Variants in SUGCT observed in about 807,000 individuals in gnomAD.
SUGCT encodes succinyl-CoA:glutarate-CoA transferase, also known as succinyl-CoA:glutarate CoA-transferase.
SUGCT carries 41 observed loss-of-function variants against 55.0 expected under a neutral mutation model. That is an observed-to-expected ratio of 0.74 (90% CI 0.58 to 0.97). The LOEUF (loss-of-function observed/expected upper bound fraction) is 0.97, where lower values mean the gene tolerates loss of function less well. Ranked by LOEUF, SUGCT falls within the 50% of genes least tolerant of loss-of-function variation. The pLI is 0.00. For synonymous variants in SUGCT, 187 were observed against 200.4 expected (o/e 0.93, Z 0.56); for missense variants, 568 against 547.8 (o/e 1.04, Z -0.37).
chr7:40,557,168 A>G (rs1795597931), intron 12 of SUGCT, among the ~76,000 whole-genome samples: 1 of 152,186 alleles, frequency 6.6e-6, no homozygotes, highest in South Asian at 2.1e-4. Flanking sequence ...TAGAATTGAG[A>G]GCCTGGAAAT....
intron 8 of SUGCT, among the ~76,000 whole-genome samples, chr7:40,295,367 G>A (rs1214770011): frequency 6.6e-6 from 1 of 152,176 alleles, no homozygotes; most frequent in Non-Finnish European, 1.5e-5. Flanking sequence ...CCTGAGGTCA[G>A]GAGTTCGAGA....
intron 12 of SUGCT, among the ~76,000 whole-genome samples, chr7:40,734,688 T>C (rs866989680): frequency 6.6e-6 from 1 of 152,312 alleles, no homozygotes; most frequent in Middle Eastern, 3.4e-3. Flanking sequence ...ATTGACTATT[T>C]TTCCTCCTTA....
the SUGCT span, among the ~76,000 whole-genome samples, chr7:41,013,957 A>C: frequency 6.6e-6 from 1 of 152,168 alleles, no homozygotes; most frequent in South Asian, 2.1e-4. Context: ...AATTGGACTG[A>C]ACCCACAAAC....
At chr7:40,192,464 G>C (rs1272950645) in intron 5 of SUGCT, among the ~76,000 whole-genome samples, 2 of 152,120 alleles carry the variant, frequency 1.3e-5, no homozygotes, top group African/African-American at 4.8e-5. Context: ...ATGTGTTATG[G>C]TCAGCAGAGC....
At chr7:40,164,488 T>C (rs187165904) in intron 1 of SUGCT, among the ~76,000 whole-genome samples, 3 of 152,294 alleles carry the variant, frequency 2.0e-5, no homozygotes, top group African/African-American at 7.2e-5. Context: ...GATTTTTTTT[T>C]CTGTTTTTGT....
chr7:40,196,691 G>A (rs1786310546), intron 6 of SUGCT, among the ~76,000 whole-genome samples: 2 of 152,090 alleles, frequency 1.3e-5, no homozygotes, highest in Non-Finnish European at 2.9e-5. Context: ...ACCACACCCG[G>A]GTAATTTTTT....
the SUGCT span, among the ~76,000 whole-genome samples, chr7:40,893,210 T>G: frequency 1.3e-5 from 2 of 152,038 alleles, no homozygotes; most frequent in Non-Finnish European, 1.5e-5. Flanking sequence ...AAATAGACAT[T>G]TATACAATAA....
chr7:40,385,851 T>A (rs918797557), intron 9 of SUGCT, among the ~76,000 whole-genome samples: 2 of 152,212 alleles, frequency 1.3e-5, no homozygotes, highest in Non-Finnish European at 2.9e-5. Flanking sequence ...AAACCAATAA[T>A]TTGTGTCACT....
At chr7:40,836,705 G>A (rs951235826) in intron 13 of SUGCT, among the ~76,000 whole-genome samples, 14 of 152,058 alleles carry the variant, frequency 9.2e-5, no homozygotes, top group African/African-American at 3.1e-4. Flanking sequence ...GATTTATACT[G>A]CACGTAACTT....
chr7:40,750,508 G>A (rs1282325701), intron 13 of SUGCT, among the ~76,000 whole-genome samples: 3 of 152,128 alleles, frequency 2.0e-5, no homozygotes, highest in Non-Finnish European at 2.9e-5. Flanking sequence ...GTGGCATAGA[G>A]TATTTACTTC....
chr7:40,256,279 C>T (rs1213928506), intron 7 of SUGCT, among the ~76,000 whole-genome samples: 1 of 152,116 alleles, frequency 6.6e-6, no homozygotes, highest in Non-Finnish European at 1.5e-5. Context: ...GAAATTTCAG[C>T]CTGTTCCTTG....
intron 9 of SUGCT, among the ~76,000 whole-genome samples, chr7:40,372,070 G>C (rs779512775): frequency 1.4e-4 from 21 of 151,722 alleles, no homozygotes; most frequent in African/African-American, 2.7e-4. Flanking sequence ...AGGGTTGTCT[G>C]TGTGTTTTTG....
At chr7:40,649,403 G>T (rs1008407042) in intron 12 of SUGCT, among the ~76,000 whole-genome samples, 9 of 151,926 alleles carry the variant, frequency 5.9e-5, no homozygotes, top group South Asian at 2.1e-4. Context: ...TTTACAGATG[G>T]GGGGGGAAGG....
intron 13 of SUGCT, among the ~76,000 whole-genome samples, chr7:40,859,827 G>T (rs1199396840): frequency 2.6e-5 from 4 of 152,324 alleles, no homozygotes; most frequent in African/African-American, 9.6e-5. Context: ...TTGAACCAGG[G>T]TCTAGCTGAG....
chr7:40,411,341 C>T (rs529055466), intron 9 of SUGCT, among the ~76,000 whole-genome samples: 9 of 152,134 alleles, frequency 5.9e-5, no homozygotes, highest in East Asian at 1.9e-4. Context: ...TGCAGTGAGC[C>T]GAGATCGTGC....
At chr7:40,490,872 G>T (rs1056316475) in intron 11 of SUGCT, among the ~76,000 whole-genome samples, 2 of 152,108 alleles carry the variant, frequency 1.3e-5, no homozygotes, top group Admixed American at 6.5e-5. Flanking sequence ...AAGACATACA[G>T]AATTTAGGGA....
At chr7:40,140,535 G>A (rs980508938) in intron 1 of SUGCT, among the ~76,000 whole-genome samples, 4 of 152,134 alleles carry the variant, frequency 2.6e-5, no homozygotes, top group Admixed American at 2.0e-4. Context: ...TGAGTAGCTA[G>A]GATTACAGGC....
At chr7:40,838,308 G>T (rs965559358) in intron 13 of SUGCT, among the ~76,000 whole-genome samples, 1 of 152,054 alleles carries the variant, frequency 6.6e-6, no homozygotes, top group Non-Finnish European at 1.5e-5. Flanking sequence ...GTTCTTTCAG[G>T]GATTTTGATA....
chr7:40,665,210 G>A (rs1325766719), intron 12 of SUGCT, among the ~76,000 whole-genome samples: 10 of 151,544 alleles, frequency 6.6e-5, no homozygotes, highest in East Asian at 5.9e-4. Flanking sequence ...AGGCTGAGGC[G>A]GGCGGATCAC....
Sources: gnomAD v4.1 joint callset for allele counts (sites outside exome capture counted in the v4.1 genomes callset) on GRCh38, gnomAD v4.1.1 for gene constraint, MANE v1.5 for transcripts, NCBI Gene and HGNC (gene_info 2026-07-23, HGNC 2026-07-21) for gene names.